Variants in USP3 observed in about 807,000 individuals in gnomAD.
USP3 encodes the protein ubiquitin specific peptidase 3.
USP3 carries 20 observed loss-of-function variants against 72.3 expected under a neutral mutation model. That is an observed-to-expected ratio of 0.28 (90% confidence interval 0.19 to 0.40). USP3 has a LOEUF of 0.40. Ranked by LOEUF, USP3 falls within the 10% of genes least tolerant of loss-of-function variation. The probability of loss-of-function intolerance (pLI) is 1.00; values close to 1 mark genes in which losing one functional copy is unlikely to be tolerated. For missense variants in USP3, 479 were observed against 633.9 expected (o/e 0.76, Z 2.62); for synonymous variants, 222 against 225.3 (o/e 0.99, Z 0.13).
chr15:63,508,224 C>A (rs991972664), intron 1 of USP3, among the ~76,000 whole-genome samples: 1 of 152,128 alleles, frequency 6.6e-6, no homozygotes, highest in Non-Finnish European at 1.5e-5. Context: ...CTTTGAGAAC[C>A]CACTTGTGTA....
chr15:63,547,619 A>G (rs899955908), intron 3 of USP3, among the ~76,000 whole-genome samples: 2 of 151,884 alleles, frequency 1.3e-5, no homozygotes, highest in Admixed American at 6.6e-5. Flanking sequence ...AGTCACAGCT[A>G]CTTGGTAGGC....
At chr15:63,523,099 A>G (rs910022602) in intron 1 of USP3, among the ~76,000 whole-genome samples, 3 of 152,238 alleles carry the variant, frequency 2.0e-5, no homozygotes, top group Admixed American at 6.5e-5. Flanking sequence ...TAAGGTGGTT[A>G]TAACAGTTAC....
At chr15:63,539,945 AT>A (rs1320435689) in intron 3 of USP3, among the ~76,000 whole-genome samples, 1 of 152,170 alleles carries the variant, frequency 6.6e-6, no homozygotes, top group African/African-American at 2.4e-5. Context: ...CAGATTTCCT[AT>A]TTCTGTGTGG....
chr15:63,558,254 A>T, intron 6 of USP3, 66 bp downstream of exon 6: 1 of 1,545,638 alleles, frequency 6.5e-7, no homozygotes, highest in Non-Finnish European at 8.9e-7. Context: ...CTGGCTCCCT[A>T]TCTCGTCTGC....
intron 1 of USP3, among the ~76,000 whole-genome samples, chr15:63,523,349 C>G (rs747058560): frequency 1.3e-5 from 2 of 151,994 alleles, no homozygotes; most frequent in Non-Finnish European, 2.9e-5. Flanking sequence ...GGCTCTGGAA[C>G]GAACTTAGCG....
At chr15:63,551,834 G>A (rs1230355369) in intron 3 of USP3, 3 of 152,148 alleles carry the variant, frequency 2.0e-5, no homozygotes, top group Admixed American at 6.5e-5. Context: ...ACTTACTTTG[G>A]TGATAAAAGG....
intron 11 of USP3, among the ~76,000 whole-genome samples, chr15:63,579,300 C>G (rs181401699): frequency 6.6e-6 from 1 of 152,026 alleles, no homozygotes; most frequent in East Asian, 1.9e-4. Flanking sequence ...TTCCTCTGTA[C>G]GCAGAAATTC....
At chr15:63,519,677 A>G (rs1057214716) in intron 1 of USP3, among the ~76,000 whole-genome samples, 2 of 152,192 alleles carry the variant, frequency 1.3e-5, no homozygotes, top group African/African-American at 4.8e-5. Context: ...TTTCTTACCA[A>G]AGTTTTACCC....
At chr15:63,589,102 TA>T (rs1461910484) in intron 14 of USP3, 91 bp downstream of exon 14, 51 of 1,427,580 alleles carry the variant, frequency 3.6e-5, no homozygotes, top group Non-Finnish European at 4.9e-5. Context: ...TAGTTCTTCC[TA>T]AAAAATGGAT....
chr15:63,578,066 G>A (rs1269696858), intron 11 of USP3, among the ~76,000 whole-genome samples: 1 of 151,698 alleles, frequency 6.6e-6, no homozygotes, highest in African/African-American at 2.4e-5. Context: ...CTTGAGGCTA[G>A]GAGTTCGAGA....
At chr15:63,517,572 G>A (rs2065868417) in intron 1 of USP3, among the ~76,000 whole-genome samples, 1 of 152,188 alleles carries the variant, frequency 6.6e-6, no homozygotes, top group Non-Finnish European at 1.5e-5. Context: ...TTCACTGTGA[G>A]GTGGGGAGCA....
chr15:63,542,057 G>C, intron 3 of USP3: 1 of 985,224 alleles, frequency 1.0e-6, no homozygotes, highest in Non-Finnish European at 1.2e-6. Flanking sequence ...TGTTTCAGAT[G>C]AGTGAAGAAT....
chr15:63,507,505 G>T (rs902914716), intron 1 of USP3, among the ~76,000 whole-genome samples: 1 of 152,126 alleles, frequency 6.6e-6, no homozygotes, highest in African/African-American at 2.4e-5. Flanking sequence ...GTAATAGGTG[G>T]TATTAGAGGT....
chr15:63,590,649 T>C lies in USP3; in HGVS notation c.1398-12T>C. On this transcript the variant is annotated splice_polypyrimidine_tract_variant and intron_variant, in intron 14 of 14. Transcript: ENST00000380324. ...TGAGGTTCTTTTTTCCTTTGGTCTT[T>C]TGCCTTTACAGGGTTGGTTCTGGAC... 1.3e-6 allele frequency: 2 copies of C among 1,542,448 alleles called. No individual in the cohort carries two copies. The highest frequency in any genetic ancestry group is 8.7e-7 in the Non-Finnish European group (1 of 1,145,118).
At chr15:63,560,027 C>G (rs2066579544) in intron 7 of USP3, 57 bp downstream of exon 7, 3 of 1,475,400 alleles carry the variant, frequency 2.0e-6, no homozygotes, top group Non-Finnish European at 2.8e-6. Flanking sequence ...ATTACTTTCA[C>G]TGGTGGTTTC....
At chr15:63,505,424 C>A (rs1328960079) in intron 1 of USP3, among the ~76,000 whole-genome samples, 1 of 152,138 alleles carries the variant, frequency 6.6e-6, no homozygotes, top group Non-Finnish European at 1.5e-5. Flanking sequence ...CGGCGGAGGT[C>A]GGGGTCTTTC....
Position 63,544,777 on chromosome 15 carries a change from A to G in USP3, c.284+7621A>G. ...GATGAAAGCTTAACTCTAAAACTAG[A>G]GCAGGTAACACTGAAGTGAAAGGGA... On this transcript the variant is annotated intron_variant, in intron 3 of 14. Transcript: ENST00000380324. This position sits in a 1 kb window ranked among gnomAD's most constrained non-coding sequence, Gnocchi z 4.2. The G allele has an allele frequency of 7.1e-6, 5 of 700,646 alleles. No homozygotes were observed. Among genetic ancestry groups the G allele is most frequent in the Non-Finnish European group, 1.3e-5 (5 of 384,214 alleles). 43.4% of individuals were successfully genotyped at this position (700,646 alleles called of 1,614,324 possible).
intron 8 of USP3, among the ~76,000 whole-genome samples, chr15:63,569,002 C>T (rs759399149): frequency 1.1e-4 from 17 of 152,068 alleles, no homozygotes; most frequent in Admixed American, 2.6e-4. Context: ...ATGGGATGGG[C>T]TTGTGTTGAC....
At chr15:63,535,711 C>T (rs1373531971) in intron 2 of USP3, among the ~76,000 whole-genome samples, 1 of 152,110 alleles carries the variant, frequency 6.6e-6, no homozygotes, top group Non-Finnish European at 1.5e-5. Context: ...GTTAATAGTG[C>T]CTTGAATGTG....
Sources: allele counts gnomAD v4.1 joint callset (sites outside exome capture counted in the v4.1 genomes callset), GRCh38; gene constraint gnomAD v4.1.1; non-coding constraint Gnocchi (gnomAD v3.1); transcripts MANE v1.5; gene names NCBI Gene and HGNC (gene_info 2026-07-23, HGNC 2026-07-21).